Variants in GALNTL6 observed in about 807,000 individuals in gnomAD.
The protein encoded by GALNTL6 is polypeptide N-acetylgalactosaminyltransferase-like 6.
A neutral mutation model predicts 73.7 loss-of-function variants in GALNTL6; 46 were observed. The observed-to-expected ratio is 0.62, with a 90% CI of 0.49 to 0.80. GALNTL6 has a LOEUF of 0.80. Ranked by LOEUF, GALNTL6 falls within the 30% of genes least tolerant of loss-of-function variation. The probability of loss-of-function intolerance (pLI) is 0.00; values close to 1 mark genes in which losing one functional copy is unlikely to be tolerated. For missense variants in GALNTL6, 604 were observed against 755.0 expected, an observed-to-expected ratio of 0.80 and a Z score of 2.34; for synonymous variants, 259 against 263.7, an observed-to-expected ratio of 0.98 and a Z score of 0.17.
chr4:172,858,562 G>A (rs763841681), intron 7 of GALNTL6, among the ~76,000 whole-genome samples: 1 of 152,176 alleles, frequency 6.6e-6, no homozygotes, highest in Non-Finnish European at 1.5e-5. Context: ...TGGCATAGTG[G>A]CTCATGCCTG....
intron 5 of GALNTL6, among the ~76,000 whole-genome samples, chr4:172,377,162 A>T (rs1743062846): frequency 6.6e-6 from 1 of 152,082 alleles, no homozygotes; most frequent in Admixed American, 6.5e-5. Flanking sequence ...CGGAGAGCTG[A>T]TTGGTCCATT....
intron 5 of GALNTL6, among the ~76,000 whole-genome samples, chr4:172,413,939 T>G (rs1744533643): frequency 1.3e-5 from 2 of 152,168 alleles, no homozygotes; most frequent in Admixed American, 6.5e-5. Context: ...AGACTTTATC[T>G]ATATCAATTT....
rs10223032 is a variant in GALNTL6, at chr4:172,318,392, T to A, written c.386+6640T>A. Among the ~76,000 whole-genome samples the A allele has an allele frequency of 9.7e-3, 1,471 of 152,214 alleles. 26 individuals are homozygous for A. The highest frequency in any genetic ancestry group is 0.034 in the African/African-American group (1,397 of 41,538). ...ACCTTTTGGAGTGACTGACAGACCA[T>A]GAGGCTGGGTCTTTGAAAGGCTGAA... is the stretch of plus-strand genomic sequence containing the variant. On this transcript the variant is annotated intron_variant, in intron 4 of 12. Coordinates refer to ENST00000506823, the MANE Select transcript of GALNTL6 (RefSeq NM_001034845.3).
chr4:172,220,779 A>ATC (rs1455412599), intron 2 of GALNTL6, among the ~76,000 whole-genome samples: 1 of 151,832 alleles, frequency 6.6e-6, no homozygotes, highest in Non-Finnish European at 1.5e-5. Flanking sequence ...ATTTAAAATC[A>ATC]TCACTTCAGA....
chr4:171,930,952 C>T (rs1009181996), intron 2 of GALNTL6, among the ~76,000 whole-genome samples: 2 of 152,190 alleles, frequency 1.3e-5, no homozygotes, highest in African/African-American at 2.4e-5. Context: ...GAAGGAAATA[C>T]AAGTCATCCA....
In GALNTL6 at chr4:172,229,795, T is replaced by A. The variant is rs752262055; in HGVS notation, c.247+31T>A. ...AAGCTCAGTGTACGCCAAAGTGCTA[T>A]TTCACTCGCAGCAGTGTCTCATTTG... On this transcript the variant is annotated intron_variant, in intron 3 of 12. Coordinates refer to ENST00000506823, the MANE Select transcript of GALNTL6 (RefSeq NM_001034845.3). The A allele has an allele frequency of 6.2e-5, 82 of 1,316,516 alleles. No individual in the cohort carries two copies. The Admixed American group carries it at 8.1e-4, about 13-fold the overall frequency. The allele number at this position is 1,316,516 out of a possible 1,614,324, so 81.6% of individuals were successfully genotyped here. A position where few individuals can be genotyped will look rare whatever the true frequency, so the allele number is the denominator to read the frequency against.
chr4:172,219,978 T>G (rs1736618900), intron 2 of GALNTL6, among the ~76,000 whole-genome samples: 1 of 151,822 alleles, frequency 6.6e-6, no homozygotes, highest in African/African-American at 2.4e-5. Context: ...TAGTGGAAAA[T>G]ATTATATTTT....
chr4:172,479,154 CACT>C (rs1208378156), intron 5 of GALNTL6, among the ~76,000 whole-genome samples: 4 of 152,066 alleles, frequency 2.6e-5, no homozygotes, highest in Non-Finnish European at 2.9e-5. Context: ...CCGGGAATCC[CACT>C]ACTAAGTATC....
chr4:172,732,079 C>G (rs1736181864), intron 5 of GALNTL6, among the ~76,000 whole-genome samples: 1 of 151,904 alleles, frequency 6.6e-6, no homozygotes, highest in Non-Finnish European at 1.5e-5. Context: ...AGTTTCTCTC[C>G]ACTGTTTCCT....
intron 5 of GALNTL6, among the ~76,000 whole-genome samples, chr4:172,462,995 T>A (rs748899088): frequency 6.6e-6 from 1 of 152,196 alleles, no homozygotes; most frequent in African/African-American, 2.4e-5. Context: ...AAGGACTGCC[T>A]AAACACACCA....
chr4:172,893,906 G>C (rs1206397683), intron 8 of GALNTL6, among the ~76,000 whole-genome samples: 1 of 152,212 alleles, frequency 6.6e-6, no homozygotes. Flanking sequence ...GATGTCCACA[G>C]TGGGAGTGTG....
chr4:172,557,057 T>A (rs2110915583), intron 5 of GALNTL6, among the ~76,000 whole-genome samples: 1 of 152,274 alleles, frequency 6.6e-6, no homozygotes, highest in South Asian at 2.1e-4. Context: ...TATTAATAGA[T>A]GCTCCTTGAA....
At chr4:171,968,473 C>T (rs1739455375) in intron 2 of GALNTL6, among the ~76,000 whole-genome samples, 2 of 152,136 alleles carry the variant, frequency 1.3e-5, no homozygotes, top group Admixed American at 6.5e-5. Flanking sequence ...TGTTTGTGTC[C>T]TTTCTTCCTC....
chr4:172,730,541 T>C (rs1445573368), intron 5 of GALNTL6, among the ~76,000 whole-genome samples: 1 of 152,254 alleles, frequency 6.6e-6, no homozygotes, highest in Non-Finnish European at 1.5e-5. Flanking sequence ...TTAATTTGCA[T>C]ATGTTGAAAC....
intron 2 of GALNTL6, among the ~76,000 whole-genome samples, chr4:171,911,320 C>A (rs573492374): frequency 1.3e-5 from 2 of 152,202 alleles, no homozygotes; most frequent in East Asian, 1.9e-4. Context: ...TCACTACAAC[C>A]AGCTAATTTT....
intron 5 of GALNTL6, among the ~76,000 whole-genome samples, chr4:172,406,171 CTGTT>C (rs982293127): frequency 1.7e-4 from 26 of 151,902 alleles, no homozygotes; most frequent in Middle Eastern, 3.4e-3. Flanking sequence ...TTATCTGTCT[CTGTT>C]TATTTACTTA....
At chr4:172,865,702 G>A (rs1455632117) in intron 7 of GALNTL6, among the ~76,000 whole-genome samples, 4 of 151,812 alleles carry the variant, frequency 2.6e-5, no homozygotes, top group South Asian at 2.1e-4. Context: ...CTCTTCTCTT[G>A]GCTTCTGTCA....
intron 2 of GALNTL6, among the ~76,000 whole-genome samples, chr4:172,009,435 G>A (rs1207259078): frequency 6.6e-6 from 1 of 152,090 alleles, no homozygotes; most frequent in Non-Finnish European, 1.5e-5. Context: ...CCCTGTGCCT[G>A]TCCCTGGCAT....
intron 2 of GALNTL6, among the ~76,000 whole-genome samples, chr4:171,852,461 T>C (rs1423070704): frequency 6.6e-6 from 1 of 152,034 alleles, no homozygotes; most frequent in African/African-American, 2.4e-5. Context: ...CATAAAAAGA[T>C]ATAAAATACC....
Sources: gnomAD v4.1 joint callset for allele counts (sites outside exome capture counted in the v4.1 genomes callset) on GRCh38, gnomAD v4.1.1 for gene constraint, MANE v1.5 for transcripts, NCBI Gene and HGNC (gene_info 2026-07-23, HGNC 2026-07-21) for gene names.